Variants in PRKAR1A observed in about 807,000 individuals in gnomAD.
The protein encoded by PRKAR1A is protein kinase cAMP-dependent type I regulatory subunit alpha, also known as cAMP-dependent protein kinase type I-alpha regulatory subunit.
A neutral mutation model predicts 52.0 loss-of-function variants in PRKAR1A; 3 were observed. That is an observed-to-expected ratio of 0.06 (90% CI 0.03 to 0.15). PRKAR1A has a LOEUF of 0.15. Among genes scored for constraint, PRKAR1A ranks in the 10% least tolerant of loss-of-function variants. PRKAR1A has a pLI of 1.00. For synonymous variants in PRKAR1A, 188 were observed against 168.4 expected, an observed-to-expected ratio of 1.12 and a Z score of -0.90; for missense variants, 240 against 477.4, an observed-to-expected ratio of 0.50 and a Z score of 4.63.
chr17:68,542,928 G>A, intron 11 of PRKAR1A: 1 of 764,358 alleles, frequency 1.3e-6, no homozygotes, highest in Non-Finnish European at 2.3e-6. Context: ...GGTGGCCGGT[G>A]AGGCGTGACT....
At chr17:68,424,589 C>T in the PRKAR1A span, 3 of 493,950 alleles carry the variant, frequency 6.1e-6, no homozygotes, top group Non-Finnish European at 1.2e-5. Context: ...CCAAACACTA[C>T]TTCCGGCCGG....
chr17:68,447,854 G>T, the PRKAR1A span, among the ~76,000 whole-genome samples: 4 of 151,816 alleles, frequency 2.6e-5, no homozygotes, highest in East Asian at 7.7e-4. Flanking sequence ...TTAGCCGGGC[G>T]TGGTGGCAGG....
At chr17:68,492,843 A>G in the PRKAR1A span, among the ~76,000 whole-genome samples, 53 of 152,230 alleles carry the variant, frequency 3.5e-4, no homozygotes, top group African/African-American at 1.3e-3. Flanking sequence ...ACATGATCTC[A>G]TTCCTTTTTT....
the PRKAR1A span, among the ~76,000 whole-genome samples, chr17:68,437,016 A>ATGTGTGTGTGTGTGTGTGTGTG: frequency 5.0e-3 from 724 of 144,634 alleles, 9 homozygotes; most frequent in African/African-American, 0.016. Flanking sequence ...ATATATATAT[A>ATGTGTGTGTGTGTGTGTGTGTG]TGTGTGTGTG....
chr17:68,495,120 G>C, the PRKAR1A span, among the ~76,000 whole-genome samples: 4 of 151,990 alleles, frequency 2.6e-5, no homozygotes, highest in Non-Finnish European at 5.9e-5. Context: ...TTGAACTCCT[G>C]AGCCCAAGAG....
chr17:68,526,009 A>C, intron 7 of PRKAR1A, 97 bp downstream of exon 7: 2 of 1,415,390 alleles, frequency 1.4e-6, no homozygotes, highest in Middle Eastern at 2.0e-4. Context: ...ATTTCTTTTA[A>C]TGAGCAAATA....
chr17:68,465,401 G>C, the PRKAR1A span, among the ~76,000 whole-genome samples: 2 of 151,960 alleles, frequency 1.3e-5, no homozygotes, highest in East Asian at 3.9e-4. Flanking sequence ...ACAGATGTCT[G>C]GAGACAGACC....
intron 2 of PRKAR1A, among the ~76,000 whole-genome samples, chr17:68,519,109 C>G (rs1367189013): frequency 6.6e-6 from 1 of 152,190 alleles, no homozygotes; most frequent in Non-Finnish European, 1.5e-5. Context: ...TTCCTGTCTT[C>G]TTCTGAGCCC....
intron 11 of PRKAR1A, chr17:68,539,790 C>G: frequency 8.4e-7 from 1 of 1,184,094 alleles, no homozygotes; most frequent in South Asian, 1.3e-5. Flanking sequence ...GGTGGAGGCC[C>G]TCATTTGCAG....
the PRKAR1A span, among the ~76,000 whole-genome samples, chr17:68,470,229 G>A: frequency 6.6e-6 from 1 of 152,006 alleles, no homozygotes; most frequent in African/African-American, 2.4e-5. Flanking sequence ...TTACAGGAGC[G>A]TGCCACCGCA....
the PRKAR1A span, among the ~76,000 whole-genome samples, chr17:68,430,709 G>A: frequency 1.4e-4 from 22 of 152,296 alleles, no homozygotes; most frequent in East Asian, 7.7e-4. Flanking sequence ...CTGGGATGTC[G>A]CCTACAGTCA....
chr17:68,468,228 T>C, the PRKAR1A span, among the ~76,000 whole-genome samples: 4 of 152,136 alleles, frequency 2.6e-5, no homozygotes, highest in Non-Finnish European at 5.9e-5. Flanking sequence ...AGGAAAACCC[T>C]GTGTGACATC....
intron 11 of PRKAR1A, chr17:68,541,226 C>T: frequency 2.1e-6 from 1 of 465,328 alleles, no homozygotes; most frequent in Non-Finnish European, 4.0e-6. Flanking sequence ...CCGGGGCAGG[C>T]AGGAAAGGAG....
At chr17:68,516,786 T>A (rs1359354053) in intron 2 of PRKAR1A, among the ~76,000 whole-genome samples, 1 of 152,112 alleles carries the variant, frequency 6.6e-6, no homozygotes, top group African/African-American at 2.4e-5. Context: ...CTTGGAATTA[T>A]AGTAGATATT....
At chr17:68,524,184 C>G in intron 5 of PRKAR1A, 107 bp downstream of exon 5, 1 of 995,180 alleles carries the variant, frequency 1.0e-6, no homozygotes, top group South Asian at 1.6e-5. Flanking sequence ...GATCCTACCA[C>G]TTTTTTTTTT....
At chr17:68,503,540 CAAG>C in the PRKAR1A span, among the ~76,000 whole-genome samples, 870 of 152,230 alleles carry the variant, frequency 5.7e-3, 2 homozygotes, top group South Asian at 0.013. Flanking sequence ...CACAAAAAGA[CAAG>C]GAGGAATCTT....
chr17:68,539,278 A>G, intron 11 of PRKAR1A: 2 of 1,572,244 alleles, frequency 1.3e-6, no homozygotes, highest in East Asian at 2.2e-5. Flanking sequence ...CTTGGCTGCA[A>G]GCAGCATGAA....
intron 7 of PRKAR1A, 60 bp from the exon 8 acceptor site, chr17:68,527,780 G>A (rs1412451451): frequency 7.7e-7 from 1 of 1,303,922 alleles, no homozygotes; most frequent in Non-Finnish European, 1.1e-6. Context: ...TTATTCCATA[G>A]CATTATGTGG....
chr17:68,542,122 C>T, intron 11 of PRKAR1A: 2 of 1,614,110 alleles, frequency 1.2e-6, no homozygotes, highest in Non-Finnish European at 8.5e-7. Flanking sequence ...CATACTCCGT[C>T]TTGCACATGT....
Sources: gnomAD v4.1 joint callset for allele counts (sites outside exome capture counted in the v4.1 genomes callset) on GRCh38, gnomAD v4.1.1 for gene constraint, MANE v1.5 for transcripts, NCBI Gene and HGNC (gene_info 2026-07-23, HGNC 2026-07-21) for gene names.